Variants in XIAP observed in about 807,000 individuals in gnomAD.
The protein encoded by XIAP is X-linked inhibitor of apoptosis.
A neutral mutation model predicts 33.1 loss-of-function variants in XIAP; 3 were observed. The ratio of observed to expected loss-of-function variants is 0.09; its 90% CI spans 0.04 to 0.23. XIAP has a LOEUF of 0.23. Ranked by LOEUF, XIAP falls within the 10% of genes least tolerant of loss-of-function variation. The pLI, the probability that XIAP is intolerant of heterozygous loss-of-function variation, is 1.00. For synonymous variants in XIAP, 98 were observed against 121.3 expected, an observed-to-expected ratio of 0.81 and a Z score of 1.26; for missense variants, 264 against 363.0, an observed-to-expected ratio of 0.73 and a Z score of 2.22.
Position 123,908,553 on chromosome X carries a change from A to T in XIAP, c.*1372A>T, listed in dbSNP as rs1015002240. The T allele has an allele frequency of 8.3e-6, 3 of 360,679 alleles. No homozygotes were observed. The highest frequency in any genetic ancestry group is 7.7e-5 in the African/African-American group (3 of 39,196). The allele number at this position is 360,679 out of a possible 1,213,427, so 29.7% of individuals were successfully genotyped here. ...ATTCTCATATCATCTTGTATCTTAA[A>T]GTTTCATGTGAGTTTTTACCGTTAG... is the stretch of plus-strand genomic sequence containing the variant. On this transcript the variant is annotated 3_prime_UTR_variant, in exon 7 of 7. Coordinates refer to ENST00000371199, the MANE Select transcript of XIAP (RefSeq NM_001167.4).
chrX:123,879,993 A>G (rs757997831), intron 1 of XIAP, among the ~76,000 whole-genome samples: 5 of 110,638 alleles, frequency 4.5e-5, no homozygotes, highest in African/African-American at 1.3e-4. Context: ...ACGTGCCTGT[A>G]GTCCCAGCTA....
At position 123,896,954 on chromosome X, in the gene XIAP, G is replaced by A. The variant is rs770741293; in HGVS notation, c.1100-3539G>A. Among the ~76,000 whole-genome samples, 11 of 91,221 alleles carry A rather than the reference G, an allele frequency of 1.2e-4. No individual in the cohort carries two copies. In the South Asian group the frequency reaches 5.6e-3, roughly 46 times the overall value. 79.2% of individuals were successfully genotyped at this position (91,221 alleles called of 115,157 possible). ...TTTTTTTTTTTTTTTTTTTTGAGAC[G>A]GAGTTTTGCTCTTGTTGCCCAGGCT... On this transcript the variant is annotated intron_variant, in intron 5 of 6. Transcript: ENST00000371199.
intron 1 of XIAP, among the ~76,000 whole-genome samples, chrX:123,873,345 A>AT (rs1326850344): frequency 2.0e-3 from 184 of 93,094 alleles, no homozygotes; most frequent in Non-Finnish European, 3.0e-3. Context: ...TTTTTATTTT[A>AT]TTTTTTTTTG....
chrX:123,888,554 TAAATG>T lies in XIAP; in HGVS notation c.878-62_878-58del, dbSNP rs2053374882. ...TTAGATGTGCTTAATTTTTAGGTGT[TAAATG>T]AATATTTTTGTGTAAGCTTCTAATT... is the stretch of plus-strand genomic sequence containing the variant. On this transcript the variant is annotated intron_variant, in intron 2 of 6. Coordinates refer to ENST00000371199, the MANE Select transcript of XIAP (RefSeq NM_001167.4). The T allele has an allele frequency of 3.0e-6, 3 of 1,004,623 alleles. No homozygotes were observed. In the East Asian group the frequency reaches 9.1e-5, roughly 31 times the overall value. The allele number at this position is 1,004,623 out of a possible 1,213,427, so 82.8% of individuals were successfully genotyped here. A position where few individuals can be genotyped will look rare whatever the true frequency, so the allele number is the denominator to read the frequency against.
chrX:123,913,167 G>A lies in XIAP; in HGVS notation c.*5986G>A, dbSNP rs1037241174. On this transcript the variant is annotated 3_prime_UTR_variant, in exon 7 of 7. Transcript: ENST00000371199. ...ACCCCAGGGATAGCAAGGGACAATT[G>A]TATCTTCAAAGTAGACAAATGGCGC... 1.8e-5 allele frequency: 6 copies of A among 326,505 alleles called. No individual in the cohort carries two copies. The East Asian group carries it at 5.0e-4, about 27-fold the overall frequency. 26.9% of individuals were successfully genotyped at this position (326,505 alleles called of 1,213,427 possible).
intron 1 of XIAP, among the ~76,000 whole-genome samples, chrX:123,868,060 G>T (rs994786654): frequency 1.8e-5 from 2 of 111,765 alleles, no homozygotes; most frequent in South Asian, 3.7e-4. Context: ...ACAGGGTCAG[G>T]CATGGTGACT....
chrX:123,886,125 C>G lies in XIAP; in HGVS notation c.463C>G (p.Pro155Ala). 2.5e-6 allele frequency: 3 copies of G among 1,211,286 alleles called. No individual in the cohort carries two copies. The highest frequency in any genetic ancestry group is 3.4e-6 in the Non-Finnish European group (3 of 895,467). The change falls in exon 2 of 7, where the codon CCG becomes GCG. Residue 155 changes from proline to alanine, a missense_variant. By Grantham distance (27) the Pro-to-Ala change is conservative (BLOSUM62 -1). Coordinates refer to ENST00000371199, the MANE Select transcript of XIAP (RefSeq NM_001167.4). The part of the protein sequence containing the change: ...QVVDISDTIY[P>A]RNPAMYSEEA... Reference sequence around the variant, plus strand: ...TGTAGATATATCAGACACCATATACCCGAGGAACCCTGCCATGTATAGTGA... The same window carrying G: ...TGTAGATATATCAGACACCATATACGCGAGGAACCCTGCCATGTATAGTGA...
chrX:123,861,751 A>G (rs939376799), intron 1 of XIAP, among the ~76,000 whole-genome samples: 1 of 112,035 alleles, frequency 8.9e-6, no homozygotes, highest in African/African-American at 3.2e-5. Context: ...TTATGTGCAT[A>G]TATGTATTTA....
chrX:123,906,733 C>T (rs929196272), intron 6 of XIAP, among the ~76,000 whole-genome samples: 1 of 112,119 alleles, frequency 8.9e-6, no homozygotes, highest in Non-Finnish European at 1.9e-5. Context: ...CTCATCTTGT[C>T]CCAGAGCACT....
At chrX:123,906,963 G>T (rs759231526) in intron 6 of XIAP, 25 bp from the exon 7 acceptor site, 12 of 1,205,109 alleles carry the variant, frequency 1.0e-5, no homozygotes, top group Non-Finnish European at 1.3e-5. Flanking sequence ...TCTAAAACTA[G>T]CATAATTATT....
In XIAP at chrX:123,860,276, G is replaced by C. The variant is rs1469985156; in HGVS notation, c.-50G>C. On this transcript the variant is annotated 5_prime_UTR_variant, in exon 1 of 7. Coordinates refer to ENST00000371199, the MANE Select transcript of XIAP (RefSeq NM_001167.4). ...AGCCGATCGCCGCGGGGCAGTTCGG[G>C]CCGGCTGTCCTGGCGCGGTGGGTAC... 8 of 328,655 alleles carry C rather than the reference G, an allele frequency of 2.4e-5. No individual in the cohort carries two copies. The highest frequency in any genetic ancestry group is 4.7e-5 in the Non-Finnish European group (8 of 169,809). 27.1% of individuals were successfully genotyped at this position (328,655 alleles called of 1,213,427 possible).
intron 5 of XIAP, among the ~76,000 whole-genome samples, chrX:123,899,307 ACG>A (rs1248479175): frequency 0.011 from 1,145 of 99,850 alleles, 12 homozygotes; most frequent in African/African-American, 0.023. Flanking sequence ...ATATATACAC[ACG>A]CACACATACA....
intron 1 of XIAP, among the ~76,000 whole-genome samples, chrX:123,861,384 A>G (rs2053077665): frequency 9.0e-6 from 1 of 111,398 alleles, no homozygotes; most frequent in Non-Finnish European, 1.9e-5. Context: ...ACCACTTTCT[A>G]TGTATTTCAA....
chrX:123,913,962 C>A lies in XIAP; in HGVS notation c.*6781C>A, dbSNP rs1389853260. 6.7e-6 allele frequency: 2 copies of A among 296,350 alleles called. No homozygotes were observed. The highest frequency in any genetic ancestry group is 4.1e-5 in the Admixed American group (1 of 24,534). 24.4% of individuals were successfully genotyped at this position (296,350 alleles called of 1,213,427 possible). A position where few individuals can be genotyped will look rare whatever the true frequency, so the allele number is the denominator to read the frequency against. ...AAAACGTATTCAATAAAATACTATT[C>A]TTTAAAATTATATCATACTACCTTG... On this transcript the variant is annotated 3_prime_UTR_variant, in exon 7 of 7. Transcript: ENST00000371199.
intron 1 of XIAP, 108 bp from the exon 2 acceptor site, chrX:123,885,523 G>C: frequency 1.7e-6 from 1 of 586,766 alleles, no homozygotes; most frequent in East Asian, 3.3e-5. Context: ...CTTAGCGGTC[G>C]TGTAGTTATT....
In XIAP at chrX:123,912,239, TA is replaced by T. The variant is rs751242607; in HGVS notation, c.*5070del. On this transcript the variant is annotated 3_prime_UTR_variant, in exon 7 of 7. Coordinates refer to ENST00000371199, the MANE Select transcript of XIAP (RefSeq NM_001167.4). ...GAGAAAAAAAAAAAAGACCACACAA[TA>T]AAAAAAAAAAATACAAAATAATACA... 0.053 allele frequency: 7,854 copies of T among 148,177 alleles called. 6 individuals carry two copies. The highest frequency in any genetic ancestry group is 0.084 in the East Asian group (435 of 5,179). The allele number at this position is 148,177 out of a possible 1,213,427, so 12.2% of individuals were successfully genotyped here.
intron 2 of XIAP, among the ~76,000 whole-genome samples, chrX:123,887,994 T>A (rs112784189): frequency 0.21 from 20,276 of 94,836 alleles, 1,459 homozygotes; most frequent in South Asian, 0.43. Context: ...CAGAAAAAAA[T>A]AATAATAATT....
In XIAP at chrX:123,910,864, T is replaced by C. The variant is rs2053594136; in HGVS notation, c.*3683T>C. ...GCCTGGGCAACAGAGCAAGACTCTG[T>C]CTCAAAAAAAAAAAAAAAAGAAATA... On this transcript the variant is annotated 3_prime_UTR_variant, in exon 7 of 7. Coordinates refer to ENST00000371199, the MANE Select transcript of XIAP (RefSeq NM_001167.4). The C allele has an allele frequency of 3.5e-6, 1 of 287,934 alleles. No homozygotes were observed. Among genetic ancestry groups the C allele is most frequent in the Non-Finnish European group, 6.4e-6 (1 of 157,173 alleles). 23.7% of individuals were successfully genotyped at this position (287,934 alleles called of 1,213,427 possible).
rs2053585459 is a variant in XIAP, at chrX:123,909,991, C to A, written c.*2810C>A. On this transcript the variant is annotated 3_prime_UTR_variant, in exon 7 of 7. Coordinates refer to ENST00000371199, the MANE Select transcript of XIAP (RefSeq NM_001167.4). ...CCCTCCCAAGAGTTCTCAGTGTCTA[C>A]ATGTAGACTATTCCTTTTCTGTATA... is the stretch of plus-strand genomic sequence containing the variant. 3.0e-6 allele frequency: 1 copy of A among 328,107 alleles called. No individual in the cohort carries two copies. The highest frequency in any genetic ancestry group is 2.7e-5 in the African/African-American group (1 of 37,698). 27.0% of individuals were successfully genotyped at this position (328,107 alleles called of 1,213,427 possible). A position where few individuals can be genotyped will look rare whatever the true frequency, so the allele number is the denominator to read the frequency against.
Sources: gnomAD v4.1 joint callset for allele counts (sites outside exome capture counted in the v4.1 genomes callset) on GRCh38, gnomAD v4.1.1 for gene constraint, MANE v1.5 for transcripts, NCBI Gene and HGNC (gene_info 2026-07-23, HGNC 2026-07-21) for gene names.